Variants in ARPIN observed in about 807,000 individuals in gnomAD.
ARPIN encodes the protein UPF0552 protein C15orf38.
A neutral mutation model predicts 25.9 loss-of-function variants in ARPIN; 23 were observed. The observed-to-expected ratio is 0.89, with a 90% CI of 0.64 to 1.26. ARPIN has a LOEUF of 1.26. Among genes scored for constraint, ARPIN ranks in the 50% most tolerant of loss-of-function variants. ARPIN has a pLI of 0.00. For missense variants in ARPIN, 333 were observed against 312.2 expected, an observed-to-expected ratio of 1.07 and a Z score of -0.50; for synonymous variants, 126 against 131.4, an observed-to-expected ratio of 0.96 and a Z score of 0.28.
rs1896965340 is a variant in ARPIN at position 89,898,502 on chromosome 15, G to A, written c.*3293C>T. ...CCTGTCCTGAAGAGTTACAGTAAAT[G>A]TTAGTATAGTTAAAGCTCCAAGAAA... is the stretch of plus-strand genomic sequence containing the variant. On this transcript the variant is annotated 3_prime_UTR_variant, in exon 6 of 6. Coordinates refer to ENST00000357484, the MANE Select transcript of ARPIN (RefSeq NM_182616.4). 2 of 152,214 alleles carry A rather than the reference G, an allele frequency of 1.3e-5. No homozygotes were observed. Among genetic ancestry groups the A allele is most frequent in the East Asian group, 1.9e-4 (1 of 5,198 alleles). The allele number at this position is 152,214 out of a possible 1,614,324, so 9.4% of individuals were successfully genotyped here. A position where few individuals can be genotyped will look rare whatever the true frequency, so the allele number is the denominator to read the frequency against.
rs1896978634 is a variant in ARPIN, at chr15:89,899,199, T to G, written c.*2596A>C. On this transcript the variant is annotated 3_prime_UTR_variant, in exon 6 of 6. Transcript: ENST00000357484. ...CCCGGGTTCAAGAAATTCTCATGCC[T>G]CAGCCTCCCAAGGCGCTGGAACTAC... is the stretch of plus-strand genomic sequence containing the variant. 1 of 150,112 alleles carries G rather than the reference T, an allele frequency of 6.7e-6. No individual in the cohort carries two copies. Among genetic ancestry groups the G allele is most frequent in the Non-Finnish European group, 1.5e-5 (1 of 67,800 alleles). The allele number at this position is 150,112 out of a possible 1,614,324, so 9.3% of individuals were successfully genotyped here. A position where few individuals can be genotyped will look rare whatever the true frequency, so the allele number is the denominator to read the frequency against.
chr15:89,901,675 G>T lies in ARPIN; in HGVS notation c.*120C>A. 2 of 1,234,592 alleles carry T rather than the reference G, an allele frequency of 1.6e-6. No individual in the cohort carries two copies. The highest frequency in any genetic ancestry group is 2.3e-6 in the Non-Finnish European group (2 of 854,380). The allele number at this position is 1,234,592 out of a possible 1,614,324, so 76.5% of individuals were successfully genotyped here. On this transcript the variant is annotated 3_prime_UTR_variant, in exon 6 of 6. Transcript: ENST00000357484. Reference sequence around the variant, plus strand: ...TCAAAGAGTATTCCAAGGTGGCTATGGGGAAGAACCAGGTAAGACTTGGCA... The same window carrying T: ...TCAAAGAGTATTCCAAGGTGGCTATTGGGAAGAACCAGGTAAGACTTGGCA...
In ARPIN at chr15:89,900,369, TG is replaced by T. The variant is rs1243153432; in HGVS notation, c.*1425del. ...GTGACTCTGGGCAGGTTGCTTAACC[TG>T]TCTGAGACCCTTTTCCTGCTCTGTA... On this transcript the variant is annotated 3_prime_UTR_variant, in exon 6 of 6. Coordinates refer to ENST00000357484, the MANE Select transcript of ARPIN (RefSeq NM_182616.4). 6.6e-6 allele frequency: 1 copy of T among 152,258 alleles called. No homozygotes were observed. The highest frequency in any genetic ancestry group is 1.9e-4 in the East Asian group (1 of 5,206). 9.4% of individuals were successfully genotyped at this position (152,258 alleles called of 1,614,324 possible).
chr15:89,908,467 C>T (rs1198231466), intron 2 of ARPIN, 55 bp from the exon 3 acceptor site: 4 of 1,599,856 alleles, frequency 2.5e-6, no homozygotes, highest in Non-Finnish European at 1.7e-6. Context: ...AACACACACA[C>T]TCTGGGCTCC....
Position 89,903,039 on chromosome 15 carries a change from TC to T in ARPIN, c.672+176del. 8 of 1,480,212 alleles carry T rather than the reference TC, an allele frequency of 5.4e-6. No individual in the cohort carries two copies. In the South Asian group the frequency reaches 1.1e-4, roughly 20 times the overall value. 91.7% of individuals were successfully genotyped at this position (1,480,212 alleles called of 1,614,324 possible). On this transcript the variant is annotated intron_variant, in intron 5 of 5. Coordinates refer to ENST00000357484, the MANE Select transcript of ARPIN (RefSeq NM_182616.4). The stretch of plus-strand genomic sequence containing the variant: ...TACAAGAAAGGTCCCAGGTTGTCAT[TC>T]TTCATACCTTAGAGGAATTCTCCTG...
chr15:89,902,214 A>G (rs7183156), intron 5 of ARPIN, among the ~76,000 whole-genome samples: 81,400 of 151,878 alleles, frequency 0.54, 22,921 homozygotes, highest in African/African-American at 0.7. Flanking sequence ...TTCGAGACCA[A>G]CCAGCCCAAC....
chr15:89,903,949 C>G lies in ARPIN; in HGVS notation c.336G>C (p.Thr112=). The part of the protein sequence containing the change: ...VEAKGDTDRL[T]PEALKGLVNK... The stretch of plus-strand genomic sequence containing the variant: ...TGACCAGCCCCTTCAGCGCCTCGGG[C>G]GTGAGCCTGTCAGTGTCCCCCTTGG... Residue 112 remains threonine (T), a synonymous_variant, in exon 4 of 6, where the codon ACG becomes ACC. Coordinates refer to ENST00000357484, the MANE Select transcript of ARPIN (RefSeq NM_182616.4). 1 of 1,610,356 alleles carries G rather than the reference C, an allele frequency of 6.2e-7. No individual in the cohort carries two copies. The highest frequency in any genetic ancestry group is 8.5e-7 in the Non-Finnish European group (1 of 1,179,834).
chr15:89,912,176 C>T (rs1691421551), intron 1 of ARPIN: 2 of 981,352 alleles, frequency 2.0e-6, no homozygotes, highest in Non-Finnish European at 2.4e-6. Context: ...CGAGATCACA[C>T]AGTATTTGTC....
chr15:89,903,792 C>T lies in ARPIN; in HGVS notation c.493G>A (p.Asp165Asn), dbSNP rs766669875. The change falls in exon 4 of 6, where the codon GAT becomes AAT. Residue 165 changes from aspartate (D) to asparagine (N), a missense_variant. Physicochemically the swap from Asp to Asn is conservative, Grantham distance 23. Transcript: ENST00000357484. ...GAGVRLKTRG[D>N]GPFLDSLAKL... Reference sequence around the variant, plus strand: ...CATTGCTCACCCAGGAAGGGACCATCGCCCCGAGTCTTCAGCCGTACCCCG... The same window carrying T: ...CATTGCTCACCCAGGAAGGGACCATTGCCCCGAGTCTTCAGCCGTACCCCG... The T allele has an allele frequency of 6.2e-5, 100 of 1,614,074 alleles. No individual in the cohort carries two copies. The highest frequency in any genetic ancestry group is 7.6e-5 in the Non-Finnish European group (90 of 1,180,036).
At chr15:89,908,151 G>T (rs749936527) in intron 3 of ARPIN, 129 bp downstream of exon 3, 35 of 1,449,948 alleles carry the variant, frequency 2.4e-5, no homozygotes, top group Non-Finnish European at 3.0e-5. Flanking sequence ...GAAGCCTCAG[G>T]CCACATACAG....
At chr15:89,904,894 C>T (rs1308912022) in intron 3 of ARPIN, among the ~76,000 whole-genome samples, 1 of 152,198 alleles carries the variant, frequency 6.6e-6, no homozygotes, top group Admixed American at 6.5e-5. Context: ...TGGCTGCTCC[C>T]ACAGGACTGC....
chr15:89,902,609 T>C (rs564380921), intron 5 of ARPIN, among the ~76,000 whole-genome samples: 12 of 151,762 alleles, frequency 7.9e-5, no homozygotes, highest in African/African-American at 2.4e-4. Flanking sequence ...GAGGCTGAGG[T>C]GGGAGGATCA....
Position 89,901,724 on chromosome 15 carries a change from T to G in ARPIN, c.*71A>C. ...CAGACTGTTCTCTCCAGCTCCAGAG[T>G]AGAAGTTCATGGAAGAAATGTTCCA... On this transcript the variant is annotated 3_prime_UTR_variant, in exon 6 of 6. Transcript: ENST00000357484. 6.4e-7 allele frequency: 1 copy of G among 1,560,274 alleles called. No individual in the cohort carries two copies. The highest frequency in any genetic ancestry group is 8.8e-7 in the Non-Finnish European group (1 of 1,132,408).
rs1896917438 is a variant in ARPIN, at chr15:89,895,584, G to A, written c.*6211C>T. 6.6e-6 allele frequency: 1 copy of A among 151,994 alleles called. No individual in the cohort carries two copies. Among genetic ancestry groups the A allele is most frequent in the Admixed American group, 6.6e-5 (1 of 15,246 alleles). The allele number at this position is 151,994 out of a possible 1,614,324, so 9.4% of individuals were successfully genotyped here. ...GTTGTTATAAACACAAAGGGAGTTA[G>A]TATAATATTTGTAAGCACTTGGACA... On this transcript the variant is annotated 3_prime_UTR_variant, in exon 6 of 6. Coordinates refer to ENST00000357484, the MANE Select transcript of ARPIN (RefSeq NM_182616.4).
At chr15:89,911,832 T>G (rs1012444675) in intron 1 of ARPIN, among the ~76,000 whole-genome samples, 1 of 150,220 alleles carries the variant, frequency 6.7e-6, no homozygotes, top group Admixed American at 6.6e-5. Flanking sequence ...ACTGTTCTAC[T>G]GTTTCTTTTC....
rs1457095403 is a variant in ARPIN, at chr15:89,912,925, G to A, written c.-90C>T. On this transcript the variant is annotated 5_prime_UTR_variant, in exon 1 of 6. Coordinates refer to ENST00000357484, the MANE Select transcript of ARPIN (RefSeq NM_182616.4). ...AGTGCTGCAGGACGCGCGGGGACCC[G>A]CGATTCCCAGCCGGCGGATCCGGGA... The A allele has an allele frequency of 4.3e-6, 6 of 1,390,628 alleles. No individual in the cohort carries two copies. The Admixed American group carries it at 2.0e-4, about 45-fold the overall frequency. The allele number at this position is 1,390,628 out of a possible 1,614,324, so 86.1% of individuals were successfully genotyped here.
chr15:89,899,083 CTTTTTTT>C lies in ARPIN; in HGVS notation c.*2705_*2711del, dbSNP rs774002777. 3.4e-5 allele frequency: 4 copies of C among 119,388 alleles called. No homozygotes were observed. Among genetic ancestry groups the C allele is most frequent in the South Asian group, 2.6e-4 (1 of 3,784 alleles). 7.4% of individuals were successfully genotyped at this position (119,388 alleles called of 1,614,324 possible). ...TACCTGCTGAGCCTGGGACCCTATT[CTTTTTTT>C]TTTTTTTTTTTTTGAGACAGGGTCT... On this transcript the variant is annotated 3_prime_UTR_variant, in exon 6 of 6. Transcript: ENST00000357484.
At chr15:89,910,880 G>A (rs555855138) in intron 1 of ARPIN, 61 bp from the exon 2 acceptor site, 100 of 1,586,776 alleles carry the variant, frequency 6.3e-5, no homozygotes, top group Admixed American at 2.9e-4. Flanking sequence ...AATCTCACCC[G>A]TGTCTCCTAT....
chr15:89,908,230 C>T (rs576240247), intron 3 of ARPIN, 50 bp downstream of exon 3: 17 of 1,609,062 alleles, frequency 1.1e-5, no homozygotes, highest in East Asian at 2.2e-5. Context: ...GAAAGGCCGC[C>T]ACACTGCAGG....
Sources: allele counts gnomAD v4.1 joint callset (sites outside exome capture counted in the v4.1 genomes callset), GRCh38; gene constraint gnomAD v4.1.1; transcripts MANE v1.5; gene names NCBI Gene and HGNC (gene_info 2026-07-23, HGNC 2026-07-21).